Variants in ANKRD44 observed in about 807,000 individuals in gnomAD.
The protein encoded by ANKRD44 is ankyrin repeat domain 44, also known as serine/threonine-protein phosphatase 6 regulatory ankyrin repeat subunit B.
Under a neutral mutation model 116.0 loss-of-function variants are expected in ANKRD44, and 35 were observed. The ratio of observed to expected loss-of-function variants is 0.30; its 90% CI spans 0.23 to 0.40. The LOEUF is 0.40. ANKRD44 is among the 10% of genes least tolerant of loss of function. The pLI, the probability that ANKRD44 is intolerant of heterozygous loss-of-function variation, is 1.00. For synonymous variants in ANKRD44, 435 were observed against 461.8 expected, an observed-to-expected ratio of 0.94 and a Z score of 0.74; for missense variants, 1,014 against 1,242.6, an observed-to-expected ratio of 0.82 and a Z score of 2.77.
In ANKRD44 at chr2:197,283,510, A is replaced by C. The variant is rs150878315; in HGVS notation, c.27+27068T>G. Among the ~76,000 whole-genome samples, 99 of 152,342 alleles carry C rather than the reference A, an allele frequency of 6.5e-4. No homozygotes were observed. In the East Asian group the frequency reaches 0.018, roughly 27 times the overall value. On this transcript the variant is annotated intron_variant, in intron 1 of 27. Coordinates refer to ENST00000282272, the MANE Select transcript of ANKRD44 (RefSeq NM_001195144.2). ...TCTATATAAAGCAATTCAAGTAAAA[A>C]ATAGTGAAACAAATGCCAGCATGTC... is the stretch of plus-strand genomic sequence containing the variant.
chr2:197,103,350 G>A (rs770739116), intron 9 of ANKRD44, among the ~76,000 whole-genome samples: 2 of 151,944 alleles, frequency 1.3e-5, no homozygotes, highest in East Asian at 1.9e-4. Context: ...TTTTCTATAC[G>A]TGAAAGGTTT....
At chr2:197,010,465 G>A (rs1172902771) in intron 18 of ANKRD44, among the ~76,000 whole-genome samples, 1 of 152,106 alleles carries the variant, frequency 6.6e-6, no homozygotes, top group Non-Finnish European at 1.5e-5. Context: ...CAGGAAATGC[G>A]GCCCCCATGC....
intron 16 of ANKRD44, among the ~76,000 whole-genome samples, chr2:197,036,504 C>G (rs1028188894): frequency 2.6e-5 from 4 of 152,272 alleles, no homozygotes; most frequent in Admixed American, 2.0e-4. Flanking sequence ...AATGATCCAC[C>G]TCAGCCTCCC....
chr2:196,998,364 A>G lies in ANKRD44; in HGVS notation c.2721T>C (p.Asn907=). The change falls in exon 25 of 28, where the codon AAT becomes AAC. Residue 907 remains asparagine, a synonymous_variant. Coordinates refer to ENST00000282272, the MANE Select transcript of ANKRD44 (RefSeq NM_001195144.2). ...ADLTVKDKDL[N]TPLHLACSKG... ...TACTACAAGCCAAATGTAAGGGTGT[A>G]TTCAAGTCCTTATCCTTTACAGTCA... 3 of 1,613,802 alleles carry G rather than the reference A, an allele frequency of 1.9e-6. No individual in the cohort carries two copies. Among genetic ancestry groups the G allele is most frequent in the South Asian group, 1.1e-5 (1 of 91,050 alleles).
Position 197,040,708 on chromosome 2 carries a change from T to C in ANKRD44, c.1651-15441A>G, listed in dbSNP as rs191955031. On this transcript the variant is annotated intron_variant, in intron 16 of 27. Coordinates refer to ENST00000282272, the MANE Select transcript of ANKRD44 (RefSeq NM_001195144.2). ...CAGCAGGGATAAAAGTTTTGCTGTC[T>C]GGTAGGAAAAAATAAAATAAAATAA... Among the ~76,000 whole-genome samples, 670 of 152,128 alleles carry C rather than the reference T, an allele frequency of 4.4e-3. 21 individuals are homozygous for C. The highest frequency in any genetic ancestry group is 0.04 in the Admixed American group (610 of 15,254).
intron 1 of ANKRD44, among the ~76,000 whole-genome samples, chr2:197,231,979 T>C (rs1289731553): frequency 2.0e-5 from 3 of 152,178 alleles, no homozygotes; most frequent in African/African-American, 7.2e-5. Context: ...AGTGGATGGA[T>C]GGATGGAAGG....
intron 16 of ANKRD44, among the ~76,000 whole-genome samples, chr2:197,055,407 C>T (rs946537489): frequency 6.6e-6 from 1 of 152,006 alleles, no homozygotes; most frequent in African/African-American, 2.4e-5. Flanking sequence ...TGCCTTTGTT[C>T]TCTCTTAATG....
At position 197,078,710 on chromosome 2, in the gene ANKRD44, A is replaced by G; in HGVS notation, c.1643T>C (p.Leu548Pro). 1 of 1,611,588 alleles carries G rather than the reference A, an allele frequency of 6.2e-7. No individual in the cohort carries two copies. Among genetic ancestry groups the G allele is most frequent in the Non-Finnish European group, 8.5e-7 (1 of 1,178,512 alleles). The change falls in exon 16 of 28, where the codon CTG (leucine) becomes CCG (proline). Residue 548 changes from leucine to proline, a missense_variant. Physicochemically the swap from Leu to Pro is moderately conservative, Grantham distance 98 (BLOSUM62 -3). Coordinates refer to ENST00000282272, the MANE Select transcript of ANKRD44 (RefSeq NM_001195144.2). ...CAAAACAAAACAACTCACCAATTCC[A>G]GACACTGCCTGTGCCCATAGGCGGC... ...YAAAYGHRQC[L>P]ELLLERTNSG...
chr2:196,971,520 CATTA>C (rs949413008), intron 21 of ANKRD44, among the ~76,000 whole-genome samples: 12 of 152,060 alleles, frequency 7.9e-5, no homozygotes, highest in Admixed American at 7.9e-4. Flanking sequence ...CCATGCCCCA[CATTA>C]ATTATTTTTA....
At chr2:197,122,044 T>G (rs1164927329) in intron 7 of ANKRD44, among the ~76,000 whole-genome samples, 1 of 152,076 alleles carries the variant, frequency 6.6e-6, no homozygotes. Flanking sequence ...CCTCACCAGG[T>G]TGCATTTTAG....
rs537576472 is a variant in ANKRD44 at position 197,140,532 on chromosome 2, G to A, written c.191-3870C>T. On this transcript the variant is annotated intron_variant, in intron 3 of 27. Coordinates refer to ENST00000282272, the MANE Select transcript of ANKRD44 (RefSeq NM_001195144.2). ...GATGGGGTCTTGCTATGTTTCTCAC[G>A]CTGGTCTCAAACTTCTGCCCTCAAG... Among the ~76,000 whole-genome samples, 12 of 151,826 alleles carry A rather than the reference G, an allele frequency of 7.9e-5. No individual in the cohort carries two copies. In the South Asian group the frequency reaches 1.7e-3, roughly 21 times the overall value.
At chr2:197,034,214 T>C (rs1486637325) in intron 16 of ANKRD44, among the ~76,000 whole-genome samples, 3 of 152,158 alleles carry the variant, frequency 2.0e-5, no homozygotes, top group African/African-American at 7.2e-5. Flanking sequence ...ATGGCTCTTT[T>C]AAAACACAGT....
rs1364134280 is a variant in ANKRD44 at position 197,248,557 on chromosome 2, T to TGA, written c.28-61452_28-61451insTC. ...TATATATTATACATATATGTATATG[T>TGA]GTGTGTGTGTGTGTGTGTGTGTATA... On this transcript the variant is annotated intron_variant, in intron 1 of 27. Transcript: ENST00000282272. Among the ~76,000 whole-genome samples, 3 of 20,196 alleles carry TGA rather than the reference T, an allele frequency of 1.5e-4. No homozygotes were observed. The East Asian group carries it at 3.7e-3, about 25-fold the overall frequency. The allele number at this position is 20,196 out of a possible 152,430, so 13.2% of individuals were successfully genotyped here.
chr2:196,993,007 G>A (rs1021316584), intron 27 of ANKRD44, among the ~76,000 whole-genome samples: 4 of 152,168 alleles, frequency 2.6e-5, no homozygotes, highest in African/African-American at 9.7e-5. Flanking sequence ...AAGCAGAGTA[G>A]AAAGCTTCTG....
chr2:197,310,736 T>A lies in ANKRD44; in HGVS notation c.-132A>T. On this transcript the variant is annotated 5_prime_UTR_variant, in exon 1 of 28. Coordinates refer to ENST00000282272, the MANE Select transcript of ANKRD44 (RefSeq NM_001195144.2). ...CTCCCGAATTTGACAGCCCTCCCCC[T>A]GCTCCTCCTCCGCCGCCGCCTCCTC... is the stretch of plus-strand genomic sequence containing the variant. 3.3e-6 allele frequency: 3 copies of A among 904,464 alleles called. No individual in the cohort carries two copies. The highest frequency in any genetic ancestry group is 2.9e-6 in the Non-Finnish European group (2 of 696,408). 56.0% of individuals were successfully genotyped at this position (904,464 alleles called of 1,614,324 possible).
At chr2:196,984,399 T>C (rs1001425808), downstream of ANKRD44, among the ~76,000 whole-genome samples, 24 of 152,358 alleles carry the variant, frequency 1.6e-4, no homozygotes, top group Middle Eastern at 3.4e-3. Context: ...TGGTGCTTTA[T>C]ATTTTACAGC....
intron 24 of ANKRD44, among the ~76,000 whole-genome samples, chr2:196,998,663 T>TA (rs1464610098): frequency 6.6e-6 from 1 of 152,228 alleles, no homozygotes; most frequent in Non-Finnish European, 1.5e-5. Context: ...ATTCTGTTGT[T>TA]ACACTTGGTT....
At chr2:197,184,919 T>C (rs1227801067) in intron 2 of ANKRD44, among the ~76,000 whole-genome samples, 1 of 152,228 alleles carries the variant, frequency 6.6e-6, no homozygotes, top group Non-Finnish European at 1.5e-5. Context: ...TCCCCTAACC[T>C]TTACCAGCTA....
At chr2:197,267,288 C>A (rs1306071468) in intron 1 of ANKRD44, among the ~76,000 whole-genome samples, 2 of 152,190 alleles carry the variant, frequency 1.3e-5, no homozygotes, top group Non-Finnish European at 2.9e-5. Flanking sequence ...ACTCCAGAAT[C>A]TTTAATGTAA....
Sources: gnomAD v4.1 joint callset for allele counts (sites outside exome capture counted in the v4.1 genomes callset) on GRCh38, gnomAD v4.1.1 for gene constraint, MANE v1.5 for transcripts, NCBI Gene and HGNC (gene_info 2026-07-23, HGNC 2026-07-21) for gene names.